Variants in CTNNA3 observed in about 807,000 individuals in gnomAD.
CTNNA3 encodes the protein catenin alpha 3, also known as catenin alpha-3.
In CTNNA3, 76 loss-of-function variants were observed where a neutral mutation model predicts 95.7. That is an observed-to-expected ratio of 0.79 (90% CI 0.66 to 0.96). The LOEUF (loss-of-function observed/expected upper bound fraction) is 0.96, where lower values mean the gene tolerates loss of function less well. CTNNA3 is among the 40% of genes least tolerant of loss of function. The pLI is 0.00. For synonymous variants in CTNNA3, 431 were observed against 374.4 expected, an observed-to-expected ratio of 1.15 and a Z score of -1.74; for missense variants, 1,191 against 1,089.8, an observed-to-expected ratio of 1.09 and a Z score of -1.31.
intron 11 of CTNNA3, among the ~76,000 whole-genome samples, chr10:66,497,008 C>T (rs374527292): frequency 6.6e-6 from 1 of 152,056 alleles, no homozygotes; most frequent in Non-Finnish European, 1.5e-5. Context: ...TGTCTGTATC[C>T]TAATTCCCTC....
At chr10:67,141,250 A>T (rs973703213) in intron 7 of CTNNA3, among the ~76,000 whole-genome samples, 12 of 152,238 alleles carry the variant, frequency 7.9e-5, no homozygotes, top group Admixed American at 1.3e-4. Flanking sequence ...CCATGTAACA[A>T]CACTTATCAA....
At chr10:66,506,173 G>T (rs570402311) in intron 11 of CTNNA3, among the ~76,000 whole-genome samples, 1 of 152,070 alleles carries the variant, frequency 6.6e-6, no homozygotes, top group Non-Finnish European at 1.5e-5. Context: ...TTACCAAGAG[G>T]ATTGCTCCAA....
At chr10:66,637,177 C>G (rs1267889350) in intron 9 of CTNNA3, among the ~76,000 whole-genome samples, 1 of 152,142 alleles carries the variant, frequency 6.6e-6, no homozygotes, top group African/African-American at 2.4e-5. Flanking sequence ...TACAAATTCT[C>G]TTTAAGAAAT....
chr10:66,603,172 G>T (rs575983699), intron 10 of CTNNA3, among the ~76,000 whole-genome samples: 2 of 151,990 alleles, frequency 1.3e-5, no homozygotes, highest in African/African-American at 4.8e-5. Flanking sequence ...TGTATATAGC[G>T]TGATTTTATA....
intron 13 of CTNNA3, among the ~76,000 whole-genome samples, chr10:66,146,788 C>T (rs2083908988): frequency 6.6e-6 from 1 of 152,090 alleles, no homozygotes; most frequent in African/African-American, 2.4e-5. Flanking sequence ...AACTCCTGAG[C>T]TCAAGCAATT....
intron 9 of CTNNA3, among the ~76,000 whole-genome samples, chr10:66,756,750 C>T (rs978732148): frequency 5.3e-5 from 8 of 152,226 alleles, no homozygotes; most frequent in South Asian, 2.1e-4. Context: ...GAACCCACTT[C>T]CCTAAATCAA....
chr10:65,963,156 T>C (rs1351814875), intron 17 of CTNNA3, among the ~76,000 whole-genome samples: 1 of 152,160 alleles, frequency 6.6e-6, no homozygotes, highest in African/African-American at 2.4e-5. Context: ...AACTAAGAAA[T>C]TGTTCATTAC....
intron 12 of CTNNA3, among the ~76,000 whole-genome samples, chr10:66,283,360 T>C (rs2091527672): frequency 6.6e-6 from 1 of 151,844 alleles, no homozygotes; most frequent in Non-Finnish European, 1.5e-5. Context: ...AAGTGTGCAA[T>C]ACAGTAATAA....
intron 7 of CTNNA3, among the ~76,000 whole-genome samples, chr10:66,856,783 C>T (rs890174777): frequency 1.3e-5 from 2 of 151,928 alleles, no homozygotes; most frequent in Non-Finnish European, 2.9e-5. Context: ...TGTTTAAGTT[C>T]CTTATAGATT....
intron 5 of CTNNA3, among the ~76,000 whole-genome samples, chr10:67,302,193 T>C (rs1396687501): frequency 6.6e-6 from 1 of 152,016 alleles, no homozygotes; most frequent in Non-Finnish European, 1.5e-5. Context: ...ATGATCTCAT[T>C]TATATGTGGA....
intron 7 of CTNNA3, among the ~76,000 whole-genome samples, chr10:67,168,908 C>T (rs1170651000): frequency 6.6e-6 from 1 of 152,182 alleles, no homozygotes; most frequent in Non-Finnish European, 1.5e-5. Context: ...AGCTCAAAAG[C>T]TCCTTCAGCT....
chr10:66,641,029 G>C (rs1353225108), intron 9 of CTNNA3, among the ~76,000 whole-genome samples: 1 of 152,022 alleles, frequency 6.6e-6, no homozygotes, highest in Non-Finnish European at 1.5e-5. Context: ...GCAATCCCAA[G>C]TGATACAATT....
intron 10 of CTNNA3, among the ~76,000 whole-genome samples, chr10:66,545,185 C>A (rs993692674): frequency 1.3e-5 from 2 of 151,852 alleles, no homozygotes; most frequent in Non-Finnish European, 2.9e-5. Context: ...TAATTATAAC[C>A]AATACCCAAG....
intron 5 of CTNNA3, among the ~76,000 whole-genome samples, chr10:67,326,735 G>A (rs939654913): frequency 2.0e-5 from 3 of 152,056 alleles, no homozygotes; most frequent in African/African-American, 7.2e-5. Context: ...AGTATCTTAG[G>A]GGTTCTCTGC....
intron 12 of CTNNA3, among the ~76,000 whole-genome samples, chr10:66,362,294 G>A (rs1246344785): frequency 6.6e-6 from 1 of 151,104 alleles, no homozygotes; most frequent in African/African-American, 2.4e-5. Context: ...GTAGAGATGG[G>A]GTTTCACCAT....
rs74142306 is a variant in CTNNA3, at chr10:67,137,006, G to C, written c.1047+43311C>G. ...CAACCTAAACTCCAACATCAGAGTAGAAACAGTCTTCCCACCATTTCGTAC... is the reference window on the plus strand; with the variant it reads ...CAACCTAAACTCCAACATCAGAGTACAAACAGTCTTCCCACCATTTCGTAC... On this transcript the variant is annotated intron_variant, in intron 7 of 17. Coordinates refer to ENST00000433211, the MANE Select transcript of CTNNA3 (RefSeq NM_013266.4). Among the ~76,000 whole-genome samples, 795 of 152,254 alleles carry C rather than the reference G, an allele frequency of 5.2e-3. 6 individuals carry two copies. Among genetic ancestry groups the C allele is most frequent in the African/African-American group, 0.018 (756 of 41,552 alleles).
chr10:66,431,888 A>T (rs1015892592), intron 11 of CTNNA3, among the ~76,000 whole-genome samples: 4 of 151,902 alleles, frequency 2.6e-5, no homozygotes, highest in Admixed American at 2.6e-4. Context: ...CCTAGAACTT[A>T]AAGTATAATA....
intron 13 of CTNNA3, among the ~76,000 whole-genome samples, chr10:66,269,294 G>T (rs897578192): frequency 1.1e-4 from 16 of 152,156 alleles, no homozygotes; most frequent in African/African-American, 3.9e-4. Context: ...TGTACTCTAA[G>T]AGTTAAATAA....
At chr10:66,237,029 T>C (rs2132027248) in intron 13 of CTNNA3, among the ~76,000 whole-genome samples, 1 of 152,124 alleles carries the variant, frequency 6.6e-6, no homozygotes, top group African/African-American at 2.4e-5. Flanking sequence ...CTCAGGAAGC[T>C]AAGGCAAGAG....
Sources: allele counts gnomAD v4.1 joint callset (sites outside exome capture counted in the v4.1 genomes callset), GRCh38; gene constraint gnomAD v4.1.1; transcripts MANE v1.5; gene names NCBI Gene and HGNC (gene_info 2026-07-23, HGNC 2026-07-21).